MED13L: variants seen among roughly 807,000 people sequenced by gnomAD.
MED13L encodes the protein mediator complex subunit 13L, also known as mediator of RNA polymerase II transcription subunit 13-like.
MED13L carries 7 observed loss-of-function variants against 220.9 expected under a neutral mutation model. That is an observed-to-expected ratio of 0.03 (90% confidence interval 0.02 to 0.06). The LOEUF (loss-of-function observed/expected upper bound fraction) is 0.06, where lower values mean the gene tolerates loss of function less well. MED13L is among the 10% of genes least tolerant of loss of function. MED13L has a pLI of 1.00. For missense variants in MED13L, 1,965 were observed against 2,760.5 expected (o/e 0.71, Z 6.46); for synonymous variants, 1,011 against 1,015.2 (o/e 1.00, Z 0.08).
intron 2 of MED13L, among the ~76,000 whole-genome samples, chr12:116,214,414 T>C (rs1882882266): frequency 6.6e-6 from 1 of 152,088 alleles, no homozygotes; most frequent in South Asian, 2.1e-4. Flanking sequence ...ACCTTCTCTC[T>C]TCACTTAGAC....
intron 1 of MED13L, among the ~76,000 whole-genome samples, chr12:116,248,943 G>A (rs184822695): frequency 2.7e-4 from 41 of 152,360 alleles, no homozygotes; most frequent in African/African-American, 9.6e-4. Context: ...CTCCCTGAGA[G>A]AAGGCATACA....
At chr12:116,214,867 G>A (rs1293973314) in intron 2 of MED13L, among the ~76,000 whole-genome samples, 1 of 152,082 alleles carries the variant, frequency 6.6e-6, no homozygotes, top group Admixed American at 6.6e-5. Context: ...AATCTTTGTT[G>A]CCTCACAGAC....
chr12:115,967,170 CAAAAAAAAAAAAAAA>C (rs34377158), intron 28 of MED13L, among the ~76,000 whole-genome samples: 1 of 45,246 alleles, frequency 2.2e-5, no homozygotes, highest in African/African-American at 9.4e-5. Flanking sequence ...GACTCTGTCT[CAAAAAAAAAAAAAAA>C]AAAAAAAAAA....
At chr12:116,116,665 G>A (rs1248018198) in intron 2 of MED13L, among the ~76,000 whole-genome samples, 1 of 151,914 alleles carries the variant, frequency 6.6e-6, no homozygotes, top group African/African-American at 2.4e-5. Flanking sequence ...GGCATCTGAA[G>A]TCCCACAGTC....
At chr12:116,059,122 C>T (rs1201806033) in intron 4 of MED13L, among the ~76,000 whole-genome samples, 7 of 152,184 alleles carry the variant, frequency 4.6e-5, no homozygotes, top group Non-Finnish European at 7.3e-5. Flanking sequence ...GGATGGCGTG[C>T]AGTCACGCGA....
intron 2 of MED13L, among the ~76,000 whole-genome samples, chr12:116,136,921 C>A (rs1485849815): frequency 6.6e-6 from 1 of 152,036 alleles, no homozygotes; most frequent in African/African-American, 2.4e-5. Flanking sequence ...CTAGGTGAAC[C>A]ACACCAATTA....
intron 2 of MED13L, 98 bp downstream of exon 2, chr12:116,237,370 T>C: frequency 1.0e-6 from 1 of 969,854 alleles, no homozygotes; most frequent in Non-Finnish European, 1.6e-6. Flanking sequence ...ACACTTAAGA[T>C]CGTTCTTTTA....
At chr12:116,254,107 G>GAAAATTCAAA (rs1437439704) in intron 1 of MED13L, among the ~76,000 whole-genome samples, 6 of 151,854 alleles carry the variant, frequency 4.0e-5, no homozygotes, top group Non-Finnish European at 7.4e-5. Flanking sequence ...CAACCTTACG[G>GAAAATTCAAA]GGATATCAGA....
At chr12:116,137,049 G>T (rs1876619765) in intron 2 of MED13L, among the ~76,000 whole-genome samples, 1 of 152,136 alleles carries the variant, frequency 6.6e-6, no homozygotes, top group Non-Finnish European at 1.5e-5. Context: ...TTCCAACTCT[G>T]TCTTTACATG....
At chr12:116,155,635 C>A (rs1344805455) in intron 2 of MED13L, among the ~76,000 whole-genome samples, 4 of 152,020 alleles carry the variant, frequency 2.6e-5, no homozygotes, top group Admixed American at 6.6e-5. Context: ...GTGGGCAGTG[C>A]TAGAGTTCAT....
At chr12:116,107,769 G>A (rs1421465229) in intron 3 of MED13L, among the ~76,000 whole-genome samples, 1 of 152,202 alleles carries the variant, frequency 6.6e-6, no homozygotes, top group Non-Finnish European at 1.5e-5. Context: ...CACTCTCCAA[G>A]TGATAAAGTC....
At position 116,003,085 on chromosome 12, in the gene MED13L, C is replaced by G; in HGVS notation, c.2487G>C (p.Leu829=). ...DDELGAVSPA[L]RSSKMPAVGT... ...CAACTGCAGGCATTTTTGATGAGCG[C>G]AGAGCAGGTGATACAGCCTAAGAAC... The change falls in exon 14 of 31, where the codon CTG becomes CTC. Residue 829 remains leucine (L), a synonymous_variant. Coordinates refer to ENST00000281928, the MANE Select transcript of MED13L (RefSeq NM_015335.5). 6.2e-7 allele frequency: 1 copy of G among 1,614,052 alleles called. No homozygotes were observed. The highest frequency in any genetic ancestry group is 1.1e-5 in the South Asian group (1 of 91,082).
intron 3 of MED13L, among the ~76,000 whole-genome samples, chr12:116,109,007 T>C (rs1002138307): frequency 2.0e-5 from 3 of 146,628 alleles, no homozygotes; most frequent in African/African-American, 7.5e-5. Flanking sequence ...AGCCAAGGAA[T>C]AACCCAAAAT....
chr12:115,999,790 C>T lies in MED13L; in HGVS notation c.2570-2560G>A, dbSNP rs1446131030. Among the ~76,000 whole-genome samples the T allele has an allele frequency of 2.0e-5, 3 of 152,044 alleles. No individual in the cohort carries two copies. The East Asian group carries it at 5.8e-4, about 29-fold the overall frequency. On this transcript the variant is annotated intron_variant, in intron 14 of 30. Coordinates refer to ENST00000281928, the MANE Select transcript of MED13L (RefSeq NM_015335.5). The stretch of plus-strand genomic sequence containing the variant: ...AGCTGACTTCTTTGATCTTCCTGAA[C>T]GCACGCATATATCTCAGTTTTCAAA...
At chr12:116,257,757 G>A (rs936200392) in intron 1 of MED13L, among the ~76,000 whole-genome samples, 1 of 151,918 alleles carries the variant, frequency 6.6e-6, no homozygotes, top group African/African-American at 2.4e-5. Flanking sequence ...TTTTATCGAG[G>A]TGATCATTTT....
At chr12:116,275,313 C>CA (rs1873723420) in intron 1 of MED13L, among the ~76,000 whole-genome samples, 1 of 151,850 alleles carries the variant, frequency 6.6e-6, no homozygotes, top group Non-Finnish European at 1.5e-5. Context: ...TCCCACATAC[C>CA]AAAAAATCAA....
At chr12:116,210,522 C>T (rs1374946594) in intron 2 of MED13L, among the ~76,000 whole-genome samples, 1 of 139,094 alleles carries the variant, frequency 7.2e-6, no homozygotes, top group Non-Finnish European at 1.5e-5. Flanking sequence ...AGAAAAAAAA[C>T]CAGCCCAAAA....
intron 1 of MED13L, among the ~76,000 whole-genome samples, chr12:116,270,781 G>A (rs11067963): frequency 6.6e-6 from 1 of 151,938 alleles, no homozygotes; most frequent in African/African-American, 2.4e-5. Context: ...GGTGGCTCGA[G>A]CCTGTAATCC....
At chr12:116,144,463 A>T (rs1877320776) in intron 2 of MED13L, among the ~76,000 whole-genome samples, 1 of 152,130 alleles carries the variant, frequency 6.6e-6, no homozygotes, top group African/African-American at 2.4e-5. Context: ...ATTTCCTCAC[A>T]AAAAAATTCC....
Sources: gnomAD v4.1 joint callset for allele counts (sites outside exome capture counted in the v4.1 genomes callset) on GRCh38, gnomAD v4.1.1 for gene constraint, MANE v1.5 for transcripts, NCBI Gene and HGNC (gene_info 2026-07-23, HGNC 2026-07-21) for gene names.